G2E3: variants seen among roughly 807,000 people sequenced by gnomAD.
G2E3 encodes G2/M phase-specific E3 ubiquitin-protein ligase.
A neutral mutation model predicts 92.8 loss-of-function variants in G2E3; 35 were observed. The observed-to-expected ratio is 0.38, with a 90% CI of 0.29 to 0.50. G2E3 has a LOEUF of 0.50. Among genes scored for constraint, G2E3 ranks in the 20% least tolerant of loss-of-function variants. The probability of loss-of-function intolerance (pLI) is 0.94; values close to 1 mark genes in which losing one functional copy is unlikely to be tolerated. For missense variants in G2E3, 554 were observed against 823.8 expected, an observed-to-expected ratio of 0.67 and a Z score of 4.01; for synonymous variants, 242 against 272.4, an observed-to-expected ratio of 0.89 and a Z score of 1.10.
rs954528459 is a variant in G2E3, at chr14:30,620,048, ATTAT to A, written c.*3518_*3521del. 41 of 152,350 alleles carry A rather than the reference ATTAT, an allele frequency of 2.7e-4. 1 individual carries two copies. Among genetic ancestry groups the A allele is most frequent in the African/African-American group, 8.9e-4 (37 of 41,590 alleles). The allele number at this position is 152,350 out of a possible 1,614,324, so 9.4% of individuals were successfully genotyped here. On this transcript the variant is annotated 3_prime_UTR_variant, in exon 15 of 15. Transcript: ENST00000206595. ...AATGTAAAATAGCTTACCAGAATAAATTATTTAAGCCAAAAATCTGGACTCAGAT... is the reference window on the plus strand; with the variant it reads ...AATGTAAAATAGCTTACCAGAATAAATTAAGCCAAAAATCTGGACTCAGAT...
intron 13 of G2E3, 36 bp from the exon 14 acceptor site, chr14:30,615,313 G>A (rs555378880): frequency 2.8e-6 from 3 of 1,079,962 alleles, no homozygotes; most frequent in Admixed American, 2.3e-5. Context: ...AAACACACAT[G>A]TATGAATGTT....
intron 14 of G2E3, among the ~76,000 whole-genome samples, 167 bp downstream of exon 14, chr14:30,615,706 A>T (rs1158493874): frequency 3.9e-5 from 6 of 152,226 alleles, no homozygotes; most frequent in Non-Finnish European, 8.8e-5. Context: ...TGACTGAATT[A>T]AAAATAATGA....
At chr14:30,596,301 C>G (rs1881288293) in intron 6 of G2E3, among the ~76,000 whole-genome samples, 1 of 152,050 alleles carries the variant, frequency 6.6e-6, no homozygotes, top group Non-Finnish European at 1.5e-5. Flanking sequence ...ACTCTCACTG[C>G]TTTAATTTCA....
chr14:30,582,682 G>A (rs913491486), intron 2 of G2E3, among the ~76,000 whole-genome samples: 1 of 152,190 alleles, frequency 6.6e-6, no homozygotes, highest in African/African-American at 2.4e-5. Flanking sequence ...GGTGTAGAAT[G>A]TCCAATATGA....
intron 12 of G2E3, among the ~76,000 whole-genome samples, chr14:30,608,958 G>A (rs982279959): frequency 6.6e-6 from 1 of 152,130 alleles, no homozygotes; most frequent in Non-Finnish European, 1.5e-5. Context: ...CTCCAACCTG[G>A]GCAACAGAGG....
chr14:30,568,078 G>A (rs1030786971), intron 1 of G2E3, among the ~76,000 whole-genome samples: 1 of 151,984 alleles, frequency 6.6e-6, no homozygotes, highest in Non-Finnish European at 1.5e-5. Flanking sequence ...ATTTTGCCTT[G>A]TATATTTTGG....
intron 1 of G2E3, among the ~76,000 whole-genome samples, chr14:30,570,454 TGGACTC>T (rs1365582871): frequency 1.1e-4 from 17 of 152,154 alleles, no homozygotes; most frequent in Non-Finnish European, 4.4e-5. Flanking sequence ...CGGTCCCTCT[TGGACTC>T]CTATTAAGCA....
chr14:30,594,936 A>G lies in G2E3; in HGVS notation c.528+1297A>G, dbSNP rs1594493451. ...CTGAGGTCAGGAGTTCGAGACCAGC[A>G]TGGCCAACATGGTGAAACCCTTTCT... On this transcript the variant is annotated intron_variant, in intron 6 of 14. Coordinates refer to ENST00000206595, the MANE Select transcript of G2E3 (RefSeq NM_017769.5). 2.0e-5 allele frequency among the ~76,000 whole-genome samples: 3 copies of G among 151,402 alleles called. No individual in the cohort carries two copies. In the South Asian group the frequency reaches 6.2e-4, roughly 32 times the overall value.
At chr14:30,594,858 G>A (rs1881198453) in intron 6 of G2E3, among the ~76,000 whole-genome samples, 1 of 151,128 alleles carries the variant, frequency 6.6e-6, no homozygotes, top group Non-Finnish European at 1.5e-5. Flanking sequence ...GCAGGGCACA[G>A]TGGCTCATGC....
intron 2 of G2E3, among the ~76,000 whole-genome samples, chr14:30,581,686 A>T (rs900552593): frequency 2.0e-5 from 3 of 152,192 alleles, no homozygotes; most frequent in Non-Finnish European, 4.4e-5. Context: ...TAAGTGACAG[A>T]GCGAGACCCT....
At chr14:30,598,302 G>T in intron 7 of G2E3, 181 bp from the exon 8 acceptor site, 1 of 461,254 alleles carries the variant, frequency 2.2e-6, no homozygotes, top group South Asian at 2.3e-5. Flanking sequence ...AGGGAGAATC[G>T]CTTGAACCCG....
chr14:30,561,099 T>C (rs1879072923), intron 1 of G2E3, among the ~76,000 whole-genome samples: 1 of 152,214 alleles, frequency 6.6e-6, no homozygotes, highest in Admixed American at 6.5e-5. Flanking sequence ...GACCTTAAAA[T>C]AGTGTGTGCC....
intron 1 of G2E3, among the ~76,000 whole-genome samples, chr14:30,563,693 TTTTG>T (rs1327154569): frequency 1.6e-4 from 19 of 118,538 alleles, no homozygotes; most frequent in African/African-American, 6.3e-4. Context: ...ACTTTGTTAC[TTTTG>T]TGTGTGTGTG....
At chr14:30,594,974 CA>C (rs1042656686) in intron 6 of G2E3, among the ~76,000 whole-genome samples, 261 of 125,130 alleles carry the variant, frequency 2.1e-3, no homozygotes, top group Middle Eastern at 4.3e-3. Context: ...ACTAAAAATA[CA>C]AAAAAAAAAA....
intron 1 of G2E3, among the ~76,000 whole-genome samples, chr14:30,572,542 G>A (rs1879828526): frequency 6.6e-6 from 1 of 152,006 alleles, no homozygotes; most frequent in Admixed American, 6.6e-5. Context: ...TCTGTTTCTG[G>A]TTTGTCCTAC....
At chr14:30,595,458 A>T (rs144100998) in intron 6 of G2E3, among the ~76,000 whole-genome samples, 11 of 152,212 alleles carry the variant, frequency 7.2e-5, no homozygotes, top group African/African-American at 2.7e-4. Flanking sequence ...TTGACCTAGT[A>T]TCATTAAGGC....
intron 2 of G2E3, among the ~76,000 whole-genome samples, chr14:30,582,653 A>G (rs1422421167): frequency 6.6e-6 from 1 of 152,158 alleles, no homozygotes; most frequent in Non-Finnish European, 1.5e-5. Flanking sequence ...TTGGGGATGG[A>G]GTTAAGGTGG....
At chr14:30,609,979 G>C (rs1882011754) in intron 12 of G2E3, among the ~76,000 whole-genome samples, 1 of 152,062 alleles carries the variant, frequency 6.6e-6, no homozygotes, top group African/African-American at 2.4e-5. Context: ...ATTCTTATTT[G>C]GGATGATTCT....
chr14:30,572,320 C>T (rs1054085887), intron 1 of G2E3, among the ~76,000 whole-genome samples: 5 of 152,146 alleles, frequency 3.3e-5, no homozygotes, highest in African/African-American at 1.2e-4. Context: ...TTGGAGTACA[C>T]TGTTGAATCA....
Sources: gnomAD v4.1 joint callset for allele counts (sites outside exome capture counted in the v4.1 genomes callset) on GRCh38, gnomAD v4.1.1 for gene constraint, MANE v1.5 for transcripts, NCBI Gene and HGNC (gene_info 2026-07-23, HGNC 2026-07-21) for gene names.